Variants in SDK2 observed in about 807,000 individuals in gnomAD.
SDK2 encodes protein sidekick-2.
SDK2 carries 105 observed loss-of-function variants against 253.9 expected under a neutral mutation model. The ratio of observed to expected loss-of-function variants is 0.41; its 90% CI spans 0.35 to 0.49. The LOEUF is 0.49. Ranked by LOEUF, SDK2 falls within the 20% of genes least tolerant of loss-of-function variation. The pLI is 0.06. For missense variants in SDK2, 2,608 were observed against 3,003.0 expected (o/e 0.87, Z 3.07); for synonymous variants, 1,249 against 1,234.9 (o/e 1.01, Z -0.24).
intron 1 of SDK2, among the ~76,000 whole-genome samples, chr17:73,553,170 C>G (rs549332531): frequency 6.6e-6 from 1 of 152,320 alleles, no homozygotes; most frequent in Admixed American, 6.5e-5. Context: ...CATGGAAGCA[C>G]CTTCTGGGGT....
Position 73,361,644 on chromosome 17 carries a change from C to G in SDK2, c.5467+40G>C. 6.3e-7 allele frequency: 1 copy of G among 1,588,140 alleles called. No individual in the cohort carries two copies. Among genetic ancestry groups the G allele is most frequent in the Non-Finnish European group, 8.6e-7 (1 of 1,159,556 alleles). ...GCCCCTTCTGACTGGGGACGCTGAACCGCCGTGTGGAAGACATGCCTGGTC... is the reference window on the plus strand; with the variant it reads ...GCCCCTTCTGACTGGGGACGCTGAAGCGCCGTGTGGAAGACATGCCTGGTC... On this transcript the variant is annotated intron_variant, in intron 39 of 44. Transcript: ENST00000392650. The surrounding 1 kb of genome is among the most constrained non-coding windows in gnomAD (Gnocchi z 4.1).
chr17:73,424,336 G>C (rs1330369453), intron 12 of SDK2, among the ~76,000 whole-genome samples: 1 of 152,152 alleles, frequency 6.6e-6, no homozygotes. Context: ...AGTCATTATT[G>C]GTCGTTACAC....
rs192348808 is a variant in SDK2, at chr17:73,379,924, C to T, written c.4763-375G>A. ...CCCCCAGCCTGTCCTCTTTCCCCAC[C>T]GTGACAGATGCCCAGAGTCCCCATC... On this transcript the variant is annotated intron_variant, in intron 34 of 44. Coordinates refer to ENST00000392650, the MANE Select transcript of SDK2 (RefSeq NM_001144952.2). This position sits in a 1 kb window ranked among gnomAD's most constrained non-coding sequence, Gnocchi z 4.5. 2.8e-4 allele frequency among the ~76,000 whole-genome samples: 43 copies of T among 152,268 alleles called. No individual in the cohort carries two copies. The highest frequency in any genetic ancestry group is 6.0e-4 in the African/African-American group (25 of 41,556).
chr17:73,412,084 GTATATATACGTATATA>G (rs2063140228), intron 18 of SDK2, among the ~76,000 whole-genome samples: 1 of 114,554 alleles, frequency 8.7e-6, no homozygotes, highest in Non-Finnish European at 1.8e-5. Flanking sequence ...ATATGTATAT[GTATATATACGTATATA>G]TGTATACGTA....
chr17:73,350,543 G>T, intron 42 of SDK2, 107 bp downstream of exon 42: 1 of 1,419,020 alleles, frequency 7.0e-7, no homozygotes, highest in Non-Finnish European at 9.5e-7. Context: ...ACCAGAGCAG[G>T]TGCGCTGCCA....
intron 1 of SDK2, among the ~76,000 whole-genome samples, chr17:73,584,330 G>A (rs994427067): frequency 1.3e-5 from 2 of 152,222 alleles, no homozygotes; most frequent in African/African-American, 4.8e-5. Context: ...AAGCTGCCTT[G>A]GCGGCCCCAC....
At position 73,365,206 on chromosome 17, in the gene SDK2, C is replaced by G. The variant is rs1009205605; in HGVS notation, c.5305+52G>C. On this transcript the variant is annotated intron_variant, in intron 38 of 44. Transcript: ENST00000392650. ...GCTGTGATGGGCGCTGAGATGAGAG[C>G]GAGCTTTTGCAAAGTGGGGGGCTGG... 5.5e-6 allele frequency: 8 copies of G among 1,446,488 alleles called. No individual in the cohort carries two copies. The East Asian group carries it at 1.7e-4, about 31-fold the overall frequency. The allele number at this position is 1,446,488 out of a possible 1,614,324, so 89.6% of individuals were successfully genotyped here.
intron 37 of SDK2, among the ~76,000 whole-genome samples, chr17:73,367,522 CAG>C (rs2062696019): frequency 6.7e-6 from 1 of 150,296 alleles, no homozygotes; most frequent in Non-Finnish European, 1.5e-5. Context: ...TTTTTTGGGA[CAG>C]AGTCTTACTC....
intron 36 of SDK2, among the ~76,000 whole-genome samples, chr17:73,374,693 C>A (rs8066903): frequency 0.11 from 16,960 of 148,610 alleles, 1,858 homozygotes; most frequent in East Asian, 0.27. Flanking sequence ...GTCTCGAACT[C>A]CTGACCTCAA....
At chr17:73,492,832 G>C (rs1472313068) in intron 2 of SDK2, among the ~76,000 whole-genome samples, 1 of 151,980 alleles carries the variant, frequency 6.6e-6, no homozygotes, top group Non-Finnish European at 1.5e-5. Context: ...GGCGGGGAGG[G>C]GAGTCAGGCG....
rs2063433009 is a variant in SDK2 at position 73,443,824 on chromosome 17, AC to A, written c.614-2902del. Reference sequence around the variant, plus strand: ...GGGGGAAATGGGGATGAAAGTCACTACCTCTCAGGGTTGTATGAATTCAGGC... The same window carrying A: ...GGGGGAAATGGGGATGAAAGTCACTACTCTCAGGGTTGTATGAATTCAGGC... On this transcript the variant is annotated intron_variant, in intron 5 of 44. Transcript: ENST00000392650. The surrounding 1 kb of genome is among the most constrained non-coding windows in gnomAD (Gnocchi z 4.6). Among the ~76,000 whole-genome samples the A allele has an allele frequency of 6.6e-6, 1 of 151,998 alleles. No homozygotes were observed. The highest frequency in any genetic ancestry group is 2.1e-4 in the South Asian group (1 of 4,816).
At chr17:73,634,452 A>C (rs544906062) in intron 1 of SDK2, among the ~76,000 whole-genome samples, 1 of 152,388 alleles carries the variant, frequency 6.6e-6, no homozygotes, top group South Asian at 2.1e-4. Flanking sequence ...GACTGGGGTG[A>C]AGAGCAAATG....
rs139142614 is a variant in SDK2 at position 73,415,841 on chromosome 17, T to C, written c.2338A>G (p.Ser780Gly). The change falls in exon 17 of 45, where the codon AGT becomes GGT. Residue 780 changes from serine to glycine, a missense_variant. Around this residue, in one of 2 missense-constraint regions of SDK2, gnomAD observed 1,505 missense variants for 1,859.1 expected, o/e 0.81. Transcript: ENST00000392650. ...YNSAGLGVYS[S>G]KVTEWTLQGV... Reference sequence around the variant, plus strand: ...TGCAGCGTCCACTCGGTGACTTTACTGCTGTAGACCCCCAGCCCAGCGCTG... The same window carrying C: ...TGCAGCGTCCACTCGGTGACTTTACCGCTGTAGACCCCCAGCCCAGCGCTG... 413 of 1,557,058 alleles carry C rather than the reference T, an allele frequency of 2.7e-4. 5 individuals are homozygous for C. In the African/African-American group the frequency reaches 4.2e-3, roughly 16 times the overall value.
chr17:73,486,819 G>A (rs2063772377), intron 2 of SDK2, among the ~76,000 whole-genome samples: 1 of 152,130 alleles, frequency 6.6e-6, no homozygotes, highest in Admixed American at 6.6e-5. Flanking sequence ...GGGGAAGGGG[G>A]CAGTGAAGGG....
rs375290397 is a variant in SDK2 at position 73,383,059 on chromosome 17, T to C, written c.4705+817A>G. ...ACCCAAAAAACAAAAAAACCTCAAGTCCTGGAGCATCTGCGCCCATCACAT... is the reference window on the plus strand; with the variant it reads ...ACCCAAAAAACAAAAAAACCTCAAGCCCTGGAGCATCTGCGCCCATCACAT... On this transcript the variant is annotated intron_variant, in intron 33 of 44. Transcript: ENST00000392650. This position sits in a 1 kb window ranked among gnomAD's most constrained non-coding sequence, Gnocchi z 4.3. Among the ~76,000 whole-genome samples, 4 of 152,062 alleles carry C rather than the reference T, an allele frequency of 2.6e-5. No individual in the cohort carries two copies. In the East Asian group the frequency reaches 7.7e-4, roughly 29 times the overall value.
intron 1 of SDK2, among the ~76,000 whole-genome samples, chr17:73,582,436 C>A (rs1489561429): frequency 6.6e-6 from 1 of 152,204 alleles, no homozygotes; most frequent in African/African-American, 2.4e-5. Flanking sequence ...AACACTTTGC[C>A]TTTTTTTCAT....
At position 73,335,310 on chromosome 17, in the gene SDK2, T is replaced by A. The variant is rs1049714066; in HGVS notation, c.*3277A>T. On this transcript the variant is annotated 3_prime_UTR_variant, in exon 45 of 45. Transcript: ENST00000392650. ...CCTGGGTGCAACACTGGGAGATTGC[T>A]TAGGGCACAAGGAGGCAATGCCAAA... The A allele has an allele frequency of 6.6e-6, 1 of 152,378 alleles. No individual in the cohort carries two copies. Among genetic ancestry groups the A allele is most frequent in the Non-Finnish European group, 1.5e-5 (1 of 68,162 alleles). 9.4% of individuals were successfully genotyped at this position (152,378 alleles called of 1,614,324 possible).
At chr17:73,388,434 A>G (rs751022027) in intron 29 of SDK2, among the ~76,000 whole-genome samples, 42 of 152,296 alleles carry the variant, frequency 2.8e-4, no homozygotes, top group Non-Finnish European at 5.0e-4. Flanking sequence ...GCTTCATTCC[A>G]GGCCCTAGCT....
At chr17:73,517,665 T>C (rs1013233413) in intron 1 of SDK2, 4 of 152,248 alleles carry the variant, frequency 2.6e-5, no homozygotes, top group African/African-American at 9.7e-5. Context: ...ACCCAGCTTA[T>C]AGTGCTTTGT....
Sources: allele counts gnomAD v4.1 joint callset (sites outside exome capture counted in the v4.1 genomes callset), GRCh38; gene constraint gnomAD v4.1.1; regional missense constraint gnomAD v4.1.1; non-coding constraint Gnocchi (gnomAD v3.1); transcripts MANE v1.5; gene names NCBI Gene and HGNC (gene_info 2026-07-23, HGNC 2026-07-21).